RHPN2: variants seen among roughly 807,000 people sequenced by gnomAD.
RHPN2 encodes rhophilin Rho GTPase binding protein 2.
Under a neutral mutation model 79.0 loss-of-function variants are expected in RHPN2, and 40 were observed. The observed-to-expected ratio is 0.51, with a 90% CI of 0.39 to 0.66. RHPN2 has a LOEUF of 0.66. Among genes scored for constraint, RHPN2 ranks in the 30% least tolerant of loss-of-function variants. The pLI, the probability that RHPN2 is intolerant of heterozygous loss-of-function variation, is 0.00. For missense variants in RHPN2, 686 were observed against 883.5 expected (o/e 0.78, Z 2.83); for synonymous variants, 285 against 363.5 (o/e 0.78, Z 2.46).
intron 10 of RHPN2, among the ~76,000 whole-genome samples, chr19:32,998,194 A>G (rs1489379881): frequency 3.3e-5 from 5 of 152,200 alleles, no homozygotes; most frequent in Non-Finnish European, 7.3e-5. Context: ...GACGCACCTC[A>G]TAGTGTTGTG....
intron 1 of RHPN2, among the ~76,000 whole-genome samples, chr19:33,059,047 A>G (rs568658810): frequency 3.9e-4 from 60 of 151,972 alleles, no homozygotes; most frequent in Admixed American, 3.7e-3. Context: ...GGGAGCTGAG[A>G]TTGTGCCACT....
At chr19:33,040,231 CTTT>C (rs1007486362) in intron 2 of RHPN2, among the ~76,000 whole-genome samples, 10,983 of 97,260 alleles carry the variant, frequency 0.11, 371 homozygotes, top group East Asian at 0.26. Context: ...GGCAACCTGC[CTTT>C]TTTTTTTTTT....
intron 3 of RHPN2, among the ~76,000 whole-genome samples, chr19:33,023,805 A>G (rs117587125): frequency 0.095 from 14,327 of 151,552 alleles, 954 homozygotes; most frequent in Non-Finnish European, 0.15. Flanking sequence ...AAAAAGAAAA[A>G]AAAGAAAACA....
chr19:33,008,446 A>G (rs1971811426), intron 6 of RHPN2, among the ~76,000 whole-genome samples: 1 of 148,994 alleles, frequency 6.7e-6, no homozygotes, highest in Admixed American at 6.8e-5. Flanking sequence ...TTTTGTAGAG[A>G]TGGGGTCTAT....
At chr19:33,015,132 A>T (rs1692256238) in intron 4 of RHPN2, among the ~76,000 whole-genome samples, 1 of 151,338 alleles carries the variant, frequency 6.6e-6, no homozygotes, top group Admixed American at 6.6e-5. Context: ...GGATAAAAAA[A>T]TTATCTAACT....
At chr19:33,003,064 G>C in intron 7 of RHPN2, 64 bp from the exon 8 acceptor site, 1 of 1,493,960 alleles carries the variant, frequency 6.7e-7, no homozygotes, top group African/African-American at 1.4e-5. Context: ...CGTTGCTATA[G>C]AGAAAGATAG....
intron 7 of RHPN2, among the ~76,000 whole-genome samples, chr19:33,007,532 A>G (rs1971801340): frequency 6.6e-6 from 1 of 151,876 alleles, no homozygotes; most frequent in African/African-American, 2.4e-5. Context: ...AAATAAAGGC[A>G]CGGAGAGTAA....
At chr19:33,061,165 A>AGCT (rs1972276362) in intron 1 of RHPN2, among the ~76,000 whole-genome samples, 1 of 151,434 alleles carries the variant, frequency 6.6e-6, no homozygotes, top group Non-Finnish European at 1.5e-5. Flanking sequence ...GCTCTGTCCA[A>AGCT]GCTGTTCCCT....
chr19:33,041,492 A>G (rs534470590), intron 2 of RHPN2, among the ~76,000 whole-genome samples: 11 of 152,304 alleles, frequency 7.2e-5, no homozygotes, highest in African/African-American at 1.9e-4. Flanking sequence ...CCTTTAGGCC[A>G]CTGTGAGAAT....
At chr19:33,018,775 C>T (rs1971898356) in intron 4 of RHPN2, among the ~76,000 whole-genome samples, 2 of 152,008 alleles carry the variant, frequency 1.3e-5, no homozygotes, top group South Asian at 2.1e-4. Flanking sequence ...CCGGGAGCGG[C>T]GGCTCACACC....
intron 14 of RHPN2, among the ~76,000 whole-genome samples, chr19:32,982,421 T>A (rs1179018789): frequency 6.6e-6 from 1 of 151,616 alleles, no homozygotes; most frequent in East Asian, 1.9e-4. Flanking sequence ...AATAAATAAA[T>A]AATAAATAAA....
chr19:33,061,263 C>G (rs1972277766), intron 1 of RHPN2, among the ~76,000 whole-genome samples: 1 of 139,506 alleles, frequency 7.2e-6, no homozygotes, highest in Non-Finnish European at 1.5e-5. Flanking sequence ...GAGTCTCGCT[C>G]TGTCACCCAG....
intron 12 of RHPN2, among the ~76,000 whole-genome samples, chr19:32,992,614 G>T (rs1175649862): frequency 6.6e-6 from 1 of 152,148 alleles, no homozygotes; most frequent in Non-Finnish European, 1.5e-5. Flanking sequence ...TTTGAGACCA[G>T]CCTAGGCAAT....
chr19:33,056,026 C>G (rs1972229352), intron 1 of RHPN2, among the ~76,000 whole-genome samples: 1 of 151,988 alleles, frequency 6.6e-6, no homozygotes, highest in Non-Finnish European at 1.5e-5. Context: ...GTGCCAAGAC[C>G]TTTCATTTTG....
At position 32,984,671 on chromosome 19, in the gene RHPN2, G is replaced by A. The variant is rs1971601514; in HGVS notation, c.1801-4415C>T. 2.6e-5 allele frequency among the ~76,000 whole-genome samples: 4 copies of A among 152,026 alleles called. No individual in the cohort carries two copies. In the South Asian group the frequency reaches 8.3e-4, roughly 32 times the overall value. ...AAGACTCTGTCTCCAAAAAAAAAGA[G>A]CCAGGTACAGTGGCTCACGCCTGTA... On this transcript the variant is annotated intron_variant, in intron 14 of 14. Transcript: ENST00000254260.
intron 1 of RHPN2, among the ~76,000 whole-genome samples, chr19:33,046,665 T>C (rs1331940270): frequency 6.6e-6 from 1 of 152,196 alleles, no homozygotes; most frequent in African/African-American, 2.4e-5. Flanking sequence ...GGATGAGAGT[T>C]CCAATTCATC....
At chr19:32,992,818 A>T (rs919773762) in intron 12 of RHPN2, among the ~76,000 whole-genome samples, 5 of 151,350 alleles carry the variant, frequency 3.3e-5, no homozygotes, top group Non-Finnish European at 7.4e-5. Flanking sequence ...TGTCTTAAAA[A>T]AAAAAAAAAA....
At chr19:33,005,412 C>CA (rs766044835) in intron 7 of RHPN2, among the ~76,000 whole-genome samples, 31,142 of 62,678 alleles carry the variant, frequency 0.5, 7,831 homozygotes, top group African/African-American at 0.52. Context: ...GATTCTGTCT[C>CA]AAAAAAAAAA....
At chr19:33,008,630 C>T (rs1194660953) in intron 6 of RHPN2, among the ~76,000 whole-genome samples, 2 of 152,116 alleles carry the variant, frequency 1.3e-5, no homozygotes, top group East Asian at 3.9e-4. Flanking sequence ...ATTAGCCAGG[C>T]ATGGTGGCGG....
Sources: gnomAD v4.1 joint callset for allele counts (sites outside exome capture counted in the v4.1 genomes callset) on GRCh38, gnomAD v4.1.1 for gene constraint, MANE v1.5 for transcripts, NCBI Gene and HGNC (gene_info 2026-07-23, HGNC 2026-07-21) for gene names.